Variants in WBP11 observed in about 807,000 individuals in gnomAD.
WBP11 encodes the protein WW domain-binding protein 11.
In WBP11, 12 loss-of-function variants were observed where a neutral mutation model predicts 66.7. That is an observed-to-expected ratio of 0.18 (90% CI 0.12 to 0.29). The LOEUF is 0.29. Among genes scored for constraint, WBP11 ranks in the 10% least tolerant of loss-of-function variants. The pLI is 1.00. For synonymous variants in WBP11, 255 were observed against 273.8 expected (o/e 0.93, Z 0.68); for missense variants, 555 against 818.3 (o/e 0.68, Z 3.93).
In WBP11 at chr12:14,796,977, A is replaced by G; in HGVS notation, c.217T>C (p.Leu73=). The G allele has an allele frequency of 6.2e-7, 1 of 1,603,942 alleles. No homozygotes were observed. ...MEFNPVQQPQ[L]NEKVLKDKRK... ...TTGTCTTTCAGTACTTTCTCATTTA[A>G]TTGTGGCTGTTGCACTGGGTTAAAC... Residue 73 remains leucine (L), a synonymous_variant, in exon 5 of 12, where the codon TTA becomes CTA. Coordinates refer to ENST00000261167, the MANE Select transcript of WBP11 (RefSeq NM_016312.3). The surrounding 1 kb of genome is among the most constrained non-coding windows in gnomAD (Gnocchi z 4.5).
In WBP11 at chr12:14,796,229, A is replaced by G. The variant is rs908705528; in HGVS notation, c.387+578T>C. ...TAGATTATTCCTTTTATTGCTGAATAGTATTCTATTGTATAAATATGCTAC... is the reference window on the plus strand; with the variant it reads ...TAGATTATTCCTTTTATTGCTGAATGGTATTCTATTGTATAAATATGCTAC... On this transcript the variant is annotated intron_variant, in intron 5 of 11. Coordinates refer to ENST00000261167, the MANE Select transcript of WBP11 (RefSeq NM_016312.3). The surrounding 1 kb of genome is among the most constrained non-coding windows in gnomAD (Gnocchi z 4.5). Among the ~76,000 whole-genome samples the G allele has an allele frequency of 2.0e-5, 3 of 152,308 alleles. No individual in the cohort carries two copies. In the East Asian group the frequency reaches 5.8e-4, roughly 29 times the overall value.
At chr12:14,799,600 C>CA (rs750558660) in intron 4 of WBP11, 35 bp downstream of exon 4, 3 of 1,600,502 alleles carry the variant, frequency 1.9e-6, no homozygotes, top group Non-Finnish European at 8.5e-7. Flanking sequence ...CTGTACGTGT[C>CA]AGACTGTTAT....
intron 1 of WBP11, among the ~76,000 whole-genome samples, chr12:14,802,480 G>A (rs1592224770): frequency 1.3e-5 from 2 of 152,098 alleles, no homozygotes; most frequent in Admixed American, 6.5e-5. Context: ...TCAAGACAGC[G>A]GTATCAAAGG....
At position 14,794,702 on chromosome 12, in the gene WBP11, G is replaced by C. The variant is rs140117642; in HGVS notation, c.556C>G (p.Leu186Val). 232 of 1,587,492 alleles carry C rather than the reference G, an allele frequency of 1.5e-4. No individual in the cohort carries two copies. The highest frequency in any genetic ancestry group is 1.9e-4 in the Non-Finnish European group (217 of 1,169,226). The change falls in exon 7 of 12, where the codon CTT becomes GTT. Residue 186 changes from leucine (L) to valine (V), a missense_variant. Physicochemically the swap from Leu to Val is conservative, Grantham distance 32. Around this residue, in one of 6 missense-constraint regions of WBP11, gnomAD observed 220 missense variants for 268.2 expected, o/e 0.82. Coordinates refer to ENST00000261167, the MANE Select transcript of WBP11 (RefSeq NM_016312.3). ...GGCAAACGTGGAACACCATGTCCAA[G>C]AAGAGGAAGGATAGAAACTGCCCGA... ...PTRAVSILPL[L>V]GHGVPRLPPG...
In WBP11 at chr12:14,801,458, A is replaced by G. The variant is rs751816714; in HGVS notation, c.-45-30T>C. The stretch of plus-strand genomic sequence containing the variant: ...GAAGGTGAAGACAAAGAAATAGCTT[A>G]TATCTCCTAAATGTATTTCTTCCTT... On this transcript the variant is annotated intron_variant, in intron 1 of 11. Coordinates refer to ENST00000261167, the MANE Select transcript of WBP11 (RefSeq NM_016312.3). 423 of 1,403,594 alleles carry G rather than the reference A, an allele frequency of 3.0e-4. 1 individual carries two copies. Among genetic ancestry groups the G allele is most frequent in the Non-Finnish European group, 3.7e-4 (367 of 997,772 alleles). The allele number at this position is 1,403,594 out of a possible 1,614,324, so 86.9% of individuals were successfully genotyped here.
chr12:14,800,837 A>AT (rs1166564892), intron 2 of WBP11, 54 bp from the exon 3 acceptor site: 7 of 1,430,296 alleles, frequency 4.9e-6, no homozygotes, highest in Non-Finnish European at 4.9e-6. Flanking sequence ...GAACATTAGC[A>AT]TTTCCTCCAA....
chr12:14,790,572 G>C lies in WBP11; in HGVS notation c.1193C>G (p.Pro398Arg), dbSNP rs1949810055. The C allele has an allele frequency of 3.7e-6, 6 of 1,614,018 alleles. No individual in the cohort carries two copies. The highest frequency in any genetic ancestry group is 5.1e-6 in the Non-Finnish European group (6 of 1,179,874). Residue 398 changes from proline (P) to arginine (R), a missense_variant, in exon 10 of 12, where the codon CCT (proline) becomes CGT (arginine). This residue lies in a region of WBP11 where 230 missense variants were observed against 286.3 expected (regional missense o/e 0.80). Coordinates refer to ENST00000261167, the MANE Select transcript of WBP11 (RefSeq NM_016312.3). Reference sequence around the variant, plus strand: ...GGGAGGTGCTTGTATCTGAGAAGGAGGAACAGACTGCGGCGGAGCCTGCTG... The same window carrying C: ...GGGAGGTGCTTGTATCTGAGAAGGACGAACAGACTGCGGCGGAGCCTGCTG... ...SQQQAPPQSV[P>R]PSQIQAPPMP...
Position 14,790,553 on chromosome 12 carries a change from T to C in WBP11, c.1212A>G (p.Ala404=). ...PQSVPPSQIQ[A]PPMPGPPPLG... is the part of the protein sequence containing the mutation. ...GAGGTGGTGGTCCTGGCATGGGAGGTGCTTGTATCTGAGAAGGAGGAACAG... is the reference window on the plus strand; with the variant it reads ...GAGGTGGTGGTCCTGGCATGGGAGGCGCTTGTATCTGAGAAGGAGGAACAG... Residue 404 remains alanine (A), a synonymous_variant, in exon 10 of 12, where the codon GCA becomes GCG. Coordinates refer to ENST00000261167, the MANE Select transcript of WBP11 (RefSeq NM_016312.3). 1 of 1,613,706 alleles carries C rather than the reference T, an allele frequency of 6.2e-7. No homozygotes were observed. The highest frequency in any genetic ancestry group is 8.5e-7 in the Non-Finnish European group (1 of 1,179,820).
At chr12:14,797,586 T>C (rs1039264259) in intron 4 of WBP11, among the ~76,000 whole-genome samples, 1 of 152,208 alleles carries the variant, frequency 6.6e-6, no homozygotes, top group African/African-American at 2.4e-5. Context: ...GCAGGTCCTC[T>C]ATCCCAAGAA....
chr12:14,800,429 T>A (rs747320090), intron 3 of WBP11, among the ~76,000 whole-genome samples: 15 of 152,060 alleles, frequency 9.9e-5, no homozygotes, highest in Non-Finnish European at 1.6e-4. Flanking sequence ...CTATCTAGCA[T>A]CATGTTTATT....
At chr12:14,791,582 C>G (rs1273213785) in intron 8 of WBP11, among the ~76,000 whole-genome samples, 1 of 152,154 alleles carries the variant, frequency 6.6e-6, no homozygotes, top group African/African-American at 2.4e-5. Context: ...TTACAGAAAT[C>G]TGATAAAGAG....
intron 6 of WBP11, 26 bp downstream of exon 6, chr12:14,794,945 C>T (rs1949873438): frequency 1.9e-6 from 3 of 1,612,128 alleles, no homozygotes; most frequent in Non-Finnish European, 1.7e-6. Flanking sequence ...ACTAAATGCT[C>T]TCTGATTGTG....
rs563244620 is a variant in WBP11, at chr12:14,797,222, C to G, written c.191-219G>C. ...ATTTTACCTTTCTCAGAAATGCCAC[C>G]TAATTGACTTTCATCTTCATTGTAA... On this transcript the variant is annotated intron_variant, in intron 4 of 11. Transcript: ENST00000261167. 1.1e-4 allele frequency among the ~76,000 whole-genome samples: 16 copies of G among 152,316 alleles called. No individual in the cohort carries two copies. The East Asian group carries it at 3.1e-3, about 29-fold the overall frequency.
chr12:14,794,395 T>C lies in WBP11; in HGVS notation c.721+142A>G, dbSNP rs183542805. On this transcript the variant is annotated intron_variant, in intron 7 of 11. Coordinates refer to ENST00000261167, the MANE Select transcript of WBP11 (RefSeq NM_016312.3). ...GCTTTTACTTGAGAAGATCCTATGA[T>C]TTATCCAACTGTATGTATATTAGTT... 3.1e-4 allele frequency: 287 copies of C among 923,554 alleles called. 3 individuals carry two copies. The African/African-American group carries it at 4.2e-3, about 13-fold the overall frequency. The allele number at this position is 923,554 out of a possible 1,614,324, so 57.2% of individuals were successfully genotyped here. A position where few individuals can be genotyped will look rare whatever the true frequency, so the allele number is the denominator to read the frequency against.
Position 14,796,796 on chromosome 12 carries a change from A to C in WBP11, c.387+11T>G, listed in dbSNP as rs781109162. 78 of 1,575,610 alleles carry C rather than the reference A, an allele frequency of 5.0e-5. No individual in the cohort carries two copies. Among genetic ancestry groups the C allele is most frequent in the Non-Finnish European group, 6.4e-5 (75 of 1,169,896 alleles). ...TTTTAGTTTATCTCTCAAAAAAAAA[A>C]CCTTGATTACCTTGACAGCATCAAA... On this transcript the variant is annotated intron_variant, in intron 5 of 11. Transcript: ENST00000261167. This position sits in a 1 kb window ranked among gnomAD's most constrained non-coding sequence, Gnocchi z 4.5.
chr12:14,798,766 A>G (rs1159411291), intron 4 of WBP11, among the ~76,000 whole-genome samples: 7 of 152,148 alleles, frequency 4.6e-5, no homozygotes, highest in Admixed American at 4.6e-4. Flanking sequence ...TGGGCAAAAC[A>G]TGGAACTTGT....
At chr12:14,794,881 T>C in intron 6 of WBP11, 90 bp downstream of exon 6, 1 of 1,602,104 alleles carries the variant, frequency 6.2e-7, no homozygotes, top group South Asian at 1.1e-5. Flanking sequence ...ATCCATATTG[T>C]CTTTTATTTC....
At position 14,794,648 on chromosome 12, in the gene WBP11, G is replaced by C; in HGVS notation, c.610C>G (p.Pro204Ala). The change falls in exon 7 of 12, where the codon CCT (proline) becomes GCT (alanine). Residue 204 changes from proline to alanine, a missense_variant. By Grantham distance (27) the Pro-to-Ala change is conservative. Transcript: ENST00000261167. ...ACGACTTGAGGAGGAGGTGGACCAG[G>C]GGGAGGGCCAGGAGGTTTTCTGCCA... is the stretch of plus-strand genomic sequence containing the variant. ...PPGRKPPGPP[P>A]GPPPPQVVQM... 6.2e-7 allele frequency: 1 copy of C among 1,613,820 alleles called. No individual in the cohort carries two copies. Among genetic ancestry groups the C allele is most frequent in the Non-Finnish European group, 8.5e-7 (1 of 1,179,864 alleles).
intron 11 of WBP11, 100 bp from the exon 12 acceptor site, chr12:14,787,598 GGA>G (rs1565670923): frequency 9.3e-7 from 1 of 1,078,074 alleles, no homozygotes; most frequent in African/African-American, 1.6e-5. Flanking sequence ...TTAAATAAAT[GGA>G]TAACAACTTA....
Sources: gnomAD v4.1 joint callset for allele counts (sites outside exome capture counted in the v4.1 genomes callset) on GRCh38, gnomAD v4.1.1 for gene constraint, gnomAD v4.1.1 regional missense constraint, Gnocchi (gnomAD v3.1) non-coding constraint, MANE v1.5 for transcripts, NCBI Gene and HGNC (gene_info 2026-07-23, HGNC 2026-07-21) for gene names.